NEBL: variants seen among roughly 807,000 people sequenced by gnomAD.
NEBL encodes the protein LIM and SH3 protein 2.
NEBL carries 122 observed loss-of-function variants against 140.2 expected under a neutral mutation model. That is an observed-to-expected ratio of 0.87 (90% CI 0.75 to 1.01). NEBL has a LOEUF of 1.01. Ranked by LOEUF, NEBL falls within the 50% of genes least tolerant of loss-of-function variation. The pLI is 0.00. For synonymous variants in NEBL, 436 were observed against 398.9 expected, an observed-to-expected ratio of 1.09 and a Z score of -1.11; for missense variants, 1,365 against 1,231.3, an observed-to-expected ratio of 1.11 and a Z score of -1.62.
intron 10 of NEBL, 97 bp downstream of exon 10, chr10:20,852,448 A>G (rs527704527): frequency 5.0e-6 from 4 of 796,728 alleles, no homozygotes; most frequent in Admixed American, 1.8e-5. Flanking sequence ...CTGCAACTGT[A>G]CTTTCTCAGT....
intron 6 of NEBL, 56 bp from the exon 7 acceptor site, chr10:20,868,821 C>A: frequency 6.2e-6 from 7 of 1,130,022 alleles, no homozygotes; most frequent in Admixed American, 2.0e-5. Context: ...TGATGAACTA[C>A]ATTGACATTA....
At chr10:20,913,052 A>G (rs1414289102) in intron 4 of NEBL, among the ~76,000 whole-genome samples, 1 of 151,930 alleles carries the variant, frequency 6.6e-6, no homozygotes, top group Admixed American at 6.6e-5. Flanking sequence ...ATGAGCCACC[A>G]TGCCCTGCTG....
intron 2 of NEBL, among the ~76,000 whole-genome samples, chr10:21,045,984 A>G (rs1475813267): frequency 6.9e-6 from 1 of 144,760 alleles, no homozygotes; most frequent in African/African-American, 2.6e-5. Flanking sequence ...CCGTCGGCAG[A>G]TGAATGGATA....
chr10:21,073,739 C>T (rs995234956), intron 2 of NEBL, among the ~76,000 whole-genome samples: 4 of 151,444 alleles, frequency 2.6e-5, no homozygotes, highest in African/African-American at 9.7e-5. Context: ...AACCTGTTAA[C>T]ATACATGGCT....
intron 2 of NEBL, among the ~76,000 whole-genome samples, chr10:21,152,013 G>A (rs557508622): frequency 6.6e-6 from 1 of 152,232 alleles, no homozygotes; most frequent in Non-Finnish European, 1.5e-5. Flanking sequence ...AACAGCGCCT[G>A]GTTCATAGGA....
chr10:20,798,842 A>G (rs1479942624), intron 26 of NEBL, among the ~76,000 whole-genome samples: 2 of 152,138 alleles, frequency 1.3e-5, no homozygotes, highest in Admixed American at 6.5e-5. Context: ...TGAAAGACAC[A>G]TGTGCATTCT....
intron 3 of NEBL, among the ~76,000 whole-genome samples, chr10:20,999,792 G>C (rs1837814951): frequency 6.6e-6 from 1 of 152,066 alleles, no homozygotes; most frequent in South Asian, 2.1e-4. Context: ...GAAGCCTGTC[G>C]TATTTCTTCA....
At chr10:20,893,787 C>T (rs1468347022) in intron 2 of NEBL, among the ~76,000 whole-genome samples, 2 of 152,088 alleles carry the variant, frequency 1.3e-5, no homozygotes, top group Admixed American at 1.3e-4. Context: ...GGCAAGAGGG[C>T]AGAAAACTAC....
At chr10:20,980,301 C>A in intron 3 of NEBL, among the ~76,000 whole-genome samples, 1 of 144,528 alleles carries the variant, frequency 6.9e-6, no homozygotes, top group East Asian at 2.1e-4. Flanking sequence ...TCTTTTTGTT[C>A]AGAAACATAA....
chr10:21,131,962 T>A (rs763734945), intron 2 of NEBL, among the ~76,000 whole-genome samples: 2 of 152,220 alleles, frequency 1.3e-5, no homozygotes, highest in Non-Finnish European at 2.9e-5. Context: ...TTTTTGTATA[T>A]GTATGCATAT....
At chr10:20,893,219 C>T (rs950439994) in intron 2 of NEBL, among the ~76,000 whole-genome samples, 1 of 152,064 alleles carries the variant, frequency 6.6e-6, no homozygotes, top group Non-Finnish European at 1.5e-5. Flanking sequence ...TTTTTTATGA[C>T]TCCCCATCAG....
intron 3 of NEBL, among the ~76,000 whole-genome samples, chr10:21,192,514 C>G (rs1002781146): frequency 6.7e-6 from 1 of 150,076 alleles, no homozygotes; most frequent in East Asian, 2.0e-4. Flanking sequence ...TTTTTAAATG[C>G]CAGTCATTGT....
At chr10:20,929,895 C>T (rs574835730) in intron 4 of NEBL, among the ~76,000 whole-genome samples, 83 of 152,218 alleles carry the variant, frequency 5.5e-4, no homozygotes, top group African/African-American at 1.9e-3. Context: ...AACAAAACTG[C>T]ACCTGTACCT....
At chr10:21,092,967 A>G (rs1395777836) in intron 2 of NEBL, among the ~76,000 whole-genome samples, 2 of 152,146 alleles carry the variant, frequency 1.3e-5, no homozygotes, top group Non-Finnish European at 2.9e-5. Context: ...GACAGGATCC[A>G]AAGTGGACTC....
chr10:20,864,694 T>C (rs962802589), intron 7 of NEBL, among the ~76,000 whole-genome samples: 1 of 152,218 alleles, frequency 6.6e-6, no homozygotes, highest in Admixed American at 6.6e-5. Context: ...TTGCCTTCTA[T>C]GTATTTATGT....
intron 2 of NEBL, among the ~76,000 whole-genome samples, chr10:21,160,198 A>T (rs1840500054): frequency 6.6e-6 from 1 of 152,192 alleles, no homozygotes; most frequent in African/African-American, 2.4e-5. Flanking sequence ...AGAAAAAAAA[A>T]AAACTAATAT....
chr10:21,028,796 A>G (rs1833650825), intron 2 of NEBL, among the ~76,000 whole-genome samples: 2 of 152,132 alleles, frequency 1.3e-5, no homozygotes, highest in African/African-American at 4.8e-5. Flanking sequence ...ATGAAGACAG[A>G]GAGAAAAAGC....
intron 23 of NEBL, 30 bp downstream of exon 23, chr10:20,813,909 T>C (rs1270511861): frequency 1.5e-6 from 2 of 1,372,134 alleles, no homozygotes; most frequent in Admixed American, 1.7e-5. Flanking sequence ...TTCCTTAGCA[T>C]GTTTTAAGAA....
intron 4 of NEBL, among the ~76,000 whole-genome samples, chr10:20,904,534 A>G (rs1848009170): frequency 6.6e-6 from 1 of 152,224 alleles, no homozygotes; most frequent in Admixed American, 6.5e-5. Context: ...CCCACCTCTC[A>G]ATTGTGAAAT....
Sources: gnomAD v4.1 joint callset for allele counts (sites outside exome capture counted in the v4.1 genomes callset) on GRCh38, gnomAD v4.1.1 for gene constraint, MANE v1.5 for transcripts, NCBI Gene and HGNC (gene_info 2026-07-23, HGNC 2026-07-21) for gene names.